Variants in STIM1 observed in about 807,000 individuals in gnomAD.
The protein encoded by STIM1 is stromal interaction molecule 1.
Under a neutral mutation model 74.7 loss-of-function variants are expected in STIM1, and 25 were observed. The ratio of observed to expected loss-of-function variants is 0.33; its 90% CI spans 0.24 to 0.47. The LOEUF is 0.47. Ranked by LOEUF, STIM1 falls within the 20% of genes least tolerant of loss-of-function variation. The probability of loss-of-function intolerance (pLI) is 1.00; values close to 1 mark genes in which losing one functional copy is unlikely to be tolerated. For missense variants in STIM1, 728 were observed against 920.8 expected (o/e 0.79, Z 2.71); for synonymous variants, 328 against 348.8 (o/e 0.94, Z 0.66).
At chr11:3,971,724 T>G (rs10835406) in intron 2 of STIM1, among the ~76,000 whole-genome samples, 37,268 of 152,042 alleles carry the variant, frequency 0.25, 5,670 homozygotes, top group South Asian at 0.45. Flanking sequence ...TTTCTTTGCT[T>G]AGACATGAAG....
At chr11:3,857,237 A>C (rs1221198374) in intron 1 of STIM1, among the ~76,000 whole-genome samples, 1 of 151,204 alleles carries the variant, frequency 6.6e-6, no homozygotes, top group African/African-American at 2.4e-5. Flanking sequence ...TTGCAGTAGA[A>C]AGGAACACTT....
chr11:3,972,407 G>C (rs1353575331), intron 2 of STIM1, among the ~76,000 whole-genome samples: 1 of 152,008 alleles, frequency 6.6e-6, no homozygotes, highest in Non-Finnish European at 1.5e-5. Context: ...TCTTATGATT[G>C]CCTCTTATAG....
chr11:4,042,817 G>C (rs2094158592), intron 3 of STIM1, among the ~76,000 whole-genome samples: 1 of 151,944 alleles, frequency 6.6e-6, no homozygotes, highest in South Asian at 2.1e-4. Context: ...TTTGAATGAA[G>C]GTACATATGA....
At chr11:3,966,427 G>A (rs2093341199) in intron 1 of STIM1, among the ~76,000 whole-genome samples, 1 of 152,148 alleles carries the variant, frequency 6.6e-6, no homozygotes, top group Admixed American at 6.5e-5. Flanking sequence ...TGATTAAATG[G>A]ATTAGGGTAT....
chr11:3,912,517 A>G (rs952151123), intron 1 of STIM1, among the ~76,000 whole-genome samples: 6 of 151,700 alleles, frequency 4.0e-5, no homozygotes, highest in Admixed American at 2.0e-4. Flanking sequence ...GGTACCCACC[A>G]TGATGTCCAA....
intron 1 of STIM1, among the ~76,000 whole-genome samples, chr11:3,962,864 C>A (rs2093302377): frequency 6.6e-6 from 1 of 151,974 alleles, no homozygotes; most frequent in South Asian, 2.1e-4. Context: ...ATTTAGTGTT[C>A]ATCTGTTTTG....
intron 2 of STIM1, among the ~76,000 whole-genome samples, chr11:3,977,357 A>C (rs983316011): frequency 6.6e-6 from 1 of 152,228 alleles, no homozygotes. Context: ...AGGAAGCTAC[A>C]AGATCTACTT....
intron 1 of STIM1, among the ~76,000 whole-genome samples, chr11:3,861,662 A>G (rs1478137068): frequency 6.6e-6 from 1 of 152,246 alleles, no homozygotes; most frequent in African/African-American, 2.4e-5. Context: ...TATTGCTAAT[A>G]TTATTGTGGT....
chr11:3,926,665 T>C (rs971000581), intron 1 of STIM1, among the ~76,000 whole-genome samples: 1 of 152,242 alleles, frequency 6.6e-6, no homozygotes, highest in African/African-American at 2.4e-5. Context: ...AAGCAAAGCC[T>C]TACTCAGATG....
intron 2 of STIM1, among the ~76,000 whole-genome samples, chr11:3,972,709 A>T (rs1359931810): frequency 1.3e-5 from 2 of 152,118 alleles, no homozygotes; most frequent in African/African-American, 4.8e-5. Context: ...CCCTGCCACC[A>T]CTGTGCTTGG....
Position 4,091,502 on chromosome 11 carries a change from C to A in STIM1, c.1855C>A (p.His619Asn). 1 of 1,614,194 alleles carries A rather than the reference C, an allele frequency of 6.2e-7. No homozygotes were observed. Among genetic ancestry groups the A allele is most frequent in the Non-Finnish European group, 8.5e-7 (1 of 1,180,030 alleles). Residue 619 changes from histidine (H) to asparagine (N), a missense_variant, in exon 13 of 13, where the codon CAT (histidine) becomes AAT (asparagine). By Grantham distance (68) the His-to-Asn change is moderately conservative (BLOSUM62 1). This residue lies in a region of STIM1 where 352 missense variants were observed against 370.1 expected (regional missense o/e 0.95). Transcript: ENST00000526596. ...CAAGAAGGCATTACTGGCGCTGAAC[C>A]ATGGGCTGGACAAGGCCCACAGCCT... ...LAKKALLALN[H>N]GLDKAHSLME...
intron 1 of STIM1, among the ~76,000 whole-genome samples, chr11:3,948,740 C>G (rs2093109512): frequency 1.3e-5 from 2 of 152,194 alleles, no homozygotes; most frequent in Non-Finnish European, 2.9e-5. Context: ...GTACTCACCT[C>G]CTGCTCTTAG....
At chr11:3,995,907 A>G (rs1028031033) in intron 2 of STIM1, among the ~76,000 whole-genome samples, 1 of 149,572 alleles carries the variant, frequency 6.7e-6, no homozygotes, top group East Asian at 2.0e-4. Context: ...GGGTCTCCCT[A>G]TGTTGCCCAG....
intron 3 of STIM1, among the ~76,000 whole-genome samples, chr11:4,048,772 C>T (rs1031934365): frequency 4.5e-4 from 68 of 151,742 alleles, no homozygotes; most frequent in Non-Finnish European, 1.9e-4. Context: ...CTCGCTCTGT[C>T]GCCCAGGCTG....
chr11:4,082,440 T>G, intron 8 of STIM1, 89 bp downstream of exon 8: 2 of 1,308,942 alleles, frequency 1.5e-6, no homozygotes, highest in African/African-American at 1.5e-5. Context: ...CCTCTCCCTG[T>G]TCCTCCCATT....
intron 1 of STIM1, among the ~76,000 whole-genome samples, chr11:3,885,936 C>T (rs2091688716): frequency 6.6e-6 from 1 of 152,198 alleles, no homozygotes; most frequent in African/African-American, 2.4e-5. Context: ...CTGTGCGTGG[C>T]CCCATTCCAG....
chr11:3,908,446 A>G (rs2092504050), intron 1 of STIM1, among the ~76,000 whole-genome samples: 1 of 152,090 alleles, frequency 6.6e-6, no homozygotes, highest in Non-Finnish European at 1.5e-5. Flanking sequence ...CCCTGTCTCT[A>G]CTAAAAACAC....
intron 1 of STIM1, among the ~76,000 whole-genome samples, chr11:3,887,920 A>G (rs1203946105): frequency 6.7e-6 from 1 of 150,124 alleles, no homozygotes; most frequent in East Asian, 1.9e-4. Context: ...CAATGAGTGG[A>G]GATCGCACCA....
intron 3 of STIM1, among the ~76,000 whole-genome samples, chr11:4,046,798 T>G (rs1416757464): frequency 2.0e-5 from 3 of 152,148 alleles, no homozygotes; most frequent in Non-Finnish European, 4.4e-5. Context: ...TACAGGCATG[T>G]GCCATTAGGC....
Sources: gnomAD v4.1 joint callset for allele counts (sites outside exome capture counted in the v4.1 genomes callset) on GRCh38, gnomAD v4.1.1 for gene constraint, gnomAD v4.1.1 regional missense constraint, MANE v1.5 for transcripts, NCBI Gene and HGNC (gene_info 2026-07-23, HGNC 2026-07-21) for gene names.